Variants in CALD1 observed in about 807,000 individuals in gnomAD.
The protein encoded by CALD1 is caldesmon 1, also known as caldesmon.
CALD1 carries 33 observed loss-of-function variants against 99.9 expected under a neutral mutation model. That is an observed-to-expected ratio of 0.33 (90% CI 0.25 to 0.44). The LOEUF is 0.44. Ranked by LOEUF, CALD1 falls within the 20% of genes least tolerant of loss-of-function variation. The pLI, the probability that CALD1 is intolerant of heterozygous loss-of-function variation, is 1.00. For missense variants in CALD1, 861 were observed against 962.1 expected, an observed-to-expected ratio of 0.89 and a Z score of 1.39; for synonymous variants, 310 against 325.0, an observed-to-expected ratio of 0.95 and a Z score of 0.50.
intron 3 of CALD1, among the ~76,000 whole-genome samples, chr7:134,873,231 A>C (rs73454214): frequency 0.21 from 31,347 of 151,618 alleles, 3,464 homozygotes; most frequent in Middle Eastern, 0.26. Context: ...ACAAAAAAAA[A>C]CACTATATTC....
intron 3 of CALD1, chr7:134,900,044 G>A (rs1244860336): frequency 6.6e-6 from 1 of 152,086 alleles, no homozygotes. Flanking sequence ...TAACGGTGGG[G>A]AAGAATAAAA....
At position 134,838,641 on chromosome 7, in the gene CALD1, T is replaced by C. The variant is rs371729248; in HGVS notation, c.-129-5243T>C. Among the ~76,000 whole-genome samples, 366 of 152,366 alleles carry C rather than the reference T, an allele frequency of 2.4e-3. 1 individual carries two copies. The highest frequency in any genetic ancestry group is 4.6e-3 in the Non-Finnish European group (313 of 68,040). On this transcript the variant is annotated intron_variant, in intron 1 of 14. Transcript: ENST00000361675. ...GAAAGTTCACTAAGTCATTGGCAAATAATCCAGTGTTGACTTTTAATTTAG... is the reference window on the plus strand; with the variant it reads ...GAAAGTTCACTAAGTCATTGGCAAACAATCCAGTGTTGACTTTTAATTTAG...
At chr7:134,711,554 C>A in the CALD1 span, among the ~76,000 whole-genome samples, 1 of 152,076 alleles carries the variant, frequency 6.6e-6, no homozygotes, top group Admixed American at 6.6e-5. Context: ...TCCAGCCTGT[C>A]TGCCTGCTGC....
At chr7:134,730,159 T>C in the CALD1 span, among the ~76,000 whole-genome samples, 21 of 151,966 alleles carry the variant, frequency 1.4e-4, no homozygotes, top group Non-Finnish European at 2.4e-4. Context: ...AGGATTCAAA[T>C]CCTGTCCTCA....
At chr7:134,779,841 G>A (rs1797035352) in intron 1 of CALD1, 92 bp downstream of exon 1, 1 of 396,028 alleles carries the variant, frequency 2.5e-6, no homozygotes, top group East Asian at 3.6e-5. Flanking sequence ...AAGGTAGCTG[G>A]AGATGCAAGA....
At chr7:134,731,894 T>C in the CALD1 span, among the ~76,000 whole-genome samples, 1 of 152,210 alleles carries the variant, frequency 6.6e-6, no homozygotes, top group Non-Finnish European at 1.5e-5. Flanking sequence ...TCAGACTAAA[T>C]TTATCCCTTG....
rs76456056 is a variant in CALD1 at position 134,942,311 on chromosome 7, C to T, written c.1532+1074C>T. ...AGCCTTTGTAATATTCAAAAGCAGGCGGAGCTACTAGGGATGGATATTTCA... is the reference window on the plus strand; with the variant it reads ...AGCCTTTGTAATATTCAAAAGCAGGTGGAGCTACTAGGGATGGATATTTCA... On this transcript the variant is annotated intron_variant, in intron 7 of 14. Transcript: ENST00000361675. Among the ~76,000 whole-genome samples, 500 of 152,228 alleles carry T rather than the reference C, an allele frequency of 3.3e-3. 8 individuals are homozygous for T. Among genetic ancestry groups the T allele is most frequent in the Admixed American group, 0.023 (346 of 15,284 alleles).
chr7:134,759,238 C>A (rs1259201013), intron 1 of CALD1, among the ~76,000 whole-genome samples: 1 of 152,130 alleles, frequency 6.6e-6, no homozygotes, highest in Non-Finnish European at 1.5e-5. Context: ...CTCTTCTGGG[C>A]ACTGCAGAGT....
chr7:134,959,092 GTATAAC>G (rs1319616663), intron 11 of CALD1, among the ~76,000 whole-genome samples: 1 of 151,426 alleles, frequency 6.6e-6, no homozygotes, highest in Non-Finnish European at 1.5e-5. Flanking sequence ...ATAAATACTT[GTATAAC>G]TAGTTACTAT....
At chr7:134,863,913 A>C (rs1051069071) in intron 2 of CALD1, among the ~76,000 whole-genome samples, 1 of 152,192 alleles carries the variant, frequency 6.6e-6, no homozygotes, top group Admixed American at 6.5e-5. Context: ...TCTGCCTTTG[A>C]AAAGAGGCAG....
At chr7:134,719,575 A>G in the CALD1 span, among the ~76,000 whole-genome samples, 1 of 152,198 alleles carries the variant, frequency 6.6e-6, no homozygotes, top group African/African-American at 2.4e-5. Context: ...AACAGCGTCC[A>G]GGGAAAGAAA....
At chr7:134,771,900 A>G (rs1463501096) in intron 1 of CALD1, among the ~76,000 whole-genome samples, 3 of 151,754 alleles carry the variant, frequency 2.0e-5, no homozygotes, top group Non-Finnish European at 2.9e-5. Context: ...GTTTCTCCCT[A>G]TTCCTTTACT....
intron 1 of CALD1, among the ~76,000 whole-genome samples, chr7:134,821,213 G>A (rs1798759749): frequency 6.6e-6 from 1 of 152,104 alleles, no homozygotes; most frequent in Non-Finnish European, 1.5e-5. Flanking sequence ...ATGCTTTATA[G>A]TAGGGATTCA....
chr7:134,825,654 C>T (rs895853092), intron 1 of CALD1, among the ~76,000 whole-genome samples: 2 of 152,098 alleles, frequency 1.3e-5, no homozygotes, highest in Non-Finnish European at 2.9e-5. Context: ...AAATTATATT[C>T]AATTATGCAA....
chr7:134,898,877 G>A (rs1802772423), intron 3 of CALD1, among the ~76,000 whole-genome samples: 1 of 152,150 alleles, frequency 6.6e-6, no homozygotes, highest in Non-Finnish European at 1.5e-5. Flanking sequence ...TTAAAATCAA[G>A]GAAGCAACTA....
At chr7:134,844,503 G>T (rs1034699160) in intron 2 of CALD1, among the ~76,000 whole-genome samples, 1 of 152,160 alleles carries the variant, frequency 6.6e-6, no homozygotes, top group Non-Finnish European at 1.5e-5. Context: ...AAACCAAAGG[G>T]CATTTCACTC....
intron 2 of CALD1, among the ~76,000 whole-genome samples, chr7:134,850,219 G>C (rs1800019882): frequency 6.6e-6 from 1 of 152,168 alleles, no homozygotes. Flanking sequence ...CTGCTGACAG[G>C]AAACAGCTCC....
intron 4 of CALD1, among the ~76,000 whole-genome samples, chr7:134,932,676 C>G (rs982069383): frequency 1.3e-5 from 2 of 152,188 alleles, no homozygotes; most frequent in African/African-American, 4.8e-5. Flanking sequence ...AGTTATCCCA[C>G]TCAAAAAGTG....
Position 134,950,477 on chromosome 7 carries a change from C to T in CALD1, c.1898C>T (p.Pro633Leu), listed in dbSNP as rs1807249480. 1 of 1,613,910 alleles carries T rather than the reference C, an allele frequency of 6.2e-7. No individual in the cohort carries two copies. ...PEDGLSDDKKPFKCFTPKGSS... is the reference protein window; with the variant it reads ...PEDGLSDDKKLFKCFTPKGSS... The stretch of plus-strand genomic sequence containing the variant: ...GATGGCTTGTCAGATGACAAGAAAC[C>T]ATTCAAGTGTTTCACTCCTAAAGGT... The change falls in exon 9 of 15, where the codon CCA (proline) becomes CTA (leucine). Residue 633 changes from proline (P) to leucine (L), a missense_variant. Transcript: ENST00000361675.
Sources: gnomAD v4.1 joint callset for allele counts (sites outside exome capture counted in the v4.1 genomes callset) on GRCh38, gnomAD v4.1.1 for gene constraint, MANE v1.5 for transcripts, NCBI Gene and HGNC (gene_info 2026-07-23, HGNC 2026-07-21) for gene names.